CDKAL1: variants seen among roughly 807,000 people sequenced by gnomAD.
CDKAL1 encodes the protein CDKAL1 threonylcarbamoyladenosine tRNA methylthiotransferase, also known as threonylcarbamoyladenosine tRNA methylthiotransferase.
CDKAL1 carries 32 observed loss-of-function variants against 68.2 expected under a neutral mutation model. That is an observed-to-expected ratio of 0.47 (90% CI 0.35 to 0.63). The LOEUF (loss-of-function observed/expected upper bound fraction) is 0.63. Among genes scored for constraint, CDKAL1 ranks in the 30% least tolerant of loss-of-function variants. The pLI is 0.00. For missense variants in CDKAL1, 606 were observed against 696.7 expected, an observed-to-expected ratio of 0.87 and a Z score of 1.47; for synonymous variants, 234 against 244.3, an observed-to-expected ratio of 0.96 and a Z score of 0.39.
At chr6:20,969,050 A>G (rs1191174939) in intron 10 of CDKAL1, among the ~76,000 whole-genome samples, 1 of 152,150 alleles carries the variant, frequency 6.6e-6, no homozygotes, top group African/African-American at 2.4e-5. Flanking sequence ...CAGCTCTGGA[A>G]ATCGGATTCT....
In CDKAL1 at chr6:20,887,307, C is replaced by A. The variant is rs981077402; in HGVS notation, c.742+41129C>A. Among the ~76,000 whole-genome samples the A allele has an allele frequency of 2.6e-5, 4 of 152,124 alleles. No homozygotes were observed. In the South Asian group the frequency reaches 8.3e-4, roughly 32 times the overall value. ...AACATGCACTTATCCTGTAATCCAG[C>A]AATTCTACTCATTTACTAAGAGAAA... On this transcript the variant is annotated intron_variant, in intron 9 of 15. Transcript: ENST00000274695.
chr6:20,991,983 T>G (rs1322177431), intron 10 of CDKAL1, among the ~76,000 whole-genome samples: 1 of 150,410 alleles, frequency 6.6e-6, no homozygotes, highest in Non-Finnish European at 1.5e-5. Flanking sequence ...TAAGAGATTC[T>G]TAATTTAAGG....
At chr6:20,570,196 T>A (rs927707735) in intron 4 of CDKAL1, among the ~76,000 whole-genome samples, 1 of 152,040 alleles carries the variant, frequency 6.6e-6, no homozygotes, top group African/African-American at 2.4e-5. Flanking sequence ...CTCTGCCTCT[T>A]GGGTTCAAGC....
At chr6:20,971,053 T>C (rs1319375328) in intron 10 of CDKAL1, among the ~76,000 whole-genome samples, 1 of 152,208 alleles carries the variant, frequency 6.6e-6, no homozygotes, top group Non-Finnish European at 1.5e-5. Context: ...TTCACTTTGT[T>C]GGCCAGGCTG....
intron 5 of CDKAL1, among the ~76,000 whole-genome samples, chr6:20,694,127 TGTTA>T (rs1771006060): frequency 6.6e-6 from 1 of 151,970 alleles, no homozygotes; most frequent in Non-Finnish European, 1.5e-5. Context: ...GTTCTCAGTT[TGTTA>T]CTTAACCTCC....
intron 15 of CDKAL1, among the ~76,000 whole-genome samples, chr6:21,226,979 T>C (rs768923853): frequency 1.3e-5 from 2 of 152,238 alleles, no homozygotes; most frequent in Non-Finnish European, 2.9e-5. Context: ...AGTGCTGGGA[T>C]TGTAGGCGTG....
At chr6:20,707,168 A>G (rs1044872657) in intron 5 of CDKAL1, among the ~76,000 whole-genome samples, 1 of 152,240 alleles carries the variant, frequency 6.6e-6, no homozygotes, top group Admixed American at 6.5e-5. Context: ...TCTGTGCAGC[A>G]TGATTTAATT....
chr6:20,747,555 A>G (rs1773715332), intron 6 of CDKAL1, among the ~76,000 whole-genome samples: 1 of 151,870 alleles, frequency 6.6e-6, no homozygotes. Flanking sequence ...GGTGGTTTTG[A>G]TTTGTCTTTC....
intron 8 of CDKAL1, among the ~76,000 whole-genome samples, chr6:20,788,651 T>TTTTCTTTC (rs1775772189): frequency 6.6e-6 from 1 of 152,214 alleles, no homozygotes; most frequent in African/African-American, 2.4e-5. Flanking sequence ...ACTGAATGTA[T>TTTTCTTTC]AGCTTAGCAC....
At position 20,651,103 on chromosome 6, in the gene CDKAL1, A is replaced by C. The variant is rs149950591; in HGVS notation, c.371+1726A>C. On this transcript the variant is annotated intron_variant, in intron 5 of 15. Transcript: ENST00000274695. ...TAATTCTATGAAGAATGTCAATGGT[A>C]GTTTAATGGGAATAGTATTGAATCT... is the stretch of plus-strand genomic sequence containing the variant. Among the ~76,000 whole-genome samples, 794 of 152,190 alleles carry C rather than the reference A, an allele frequency of 5.2e-3. 12 individuals carry two copies. The highest frequency in any genetic ancestry group is 0.018 in the African/African-American group (749 of 41,512).
intron 5 of CDKAL1, among the ~76,000 whole-genome samples, chr6:20,684,467 G>A (rs1214055734): frequency 6.6e-6 from 1 of 152,122 alleles, no homozygotes; most frequent in Non-Finnish European, 1.5e-5. Flanking sequence ...GAATAAAGCT[G>A]CTATAAACAT....
At chr6:21,221,224 A>G (rs774578375) in intron 15 of CDKAL1, among the ~76,000 whole-genome samples, 4 of 152,058 alleles carry the variant, frequency 2.6e-5, no homozygotes, top group Non-Finnish European at 4.4e-5. Flanking sequence ...TGTATTCAAT[A>G]CCAGAATTTT....
chr6:20,595,239 C>A (rs937404551), intron 4 of CDKAL1, among the ~76,000 whole-genome samples: 1 of 152,154 alleles, frequency 6.6e-6, no homozygotes, highest in African/African-American at 2.4e-5. Context: ...TGGGGAAGTT[C>A]TCCTGGATAG....
intron 11 of CDKAL1, among the ~76,000 whole-genome samples, chr6:21,014,293 C>T (rs192702707): frequency 6.6e-6 from 1 of 152,262 alleles, no homozygotes. Flanking sequence ...AAAATCTCCA[C>T]CACAATAGGT....
At chr6:20,593,587 G>T (rs59633721) in intron 4 of CDKAL1, among the ~76,000 whole-genome samples, 2 of 145,944 alleles carry the variant, frequency 1.4e-5, no homozygotes, top group Non-Finnish European at 1.5e-5. Context: ...TTGGCTGGTG[G>T]TCTATTTCAT....
chr6:21,007,996 G>A (rs1582016107), intron 11 of CDKAL1, among the ~76,000 whole-genome samples: 1 of 152,214 alleles, frequency 6.6e-6, no homozygotes, highest in East Asian at 1.9e-4. Flanking sequence ...GAGAAGATGA[G>A]GAAGGCATGC....
At chr6:20,876,693 A>C (rs962630341) in intron 9 of CDKAL1, among the ~76,000 whole-genome samples, 1 of 152,212 alleles carries the variant, frequency 6.6e-6, no homozygotes, top group Non-Finnish European at 1.5e-5. Context: ...AGCCACTTGT[A>C]ACAGGCAGGC....
At chr6:20,573,331 AGTTTTC>A (rs1160849857) in intron 4 of CDKAL1, among the ~76,000 whole-genome samples, 69 of 152,158 alleles carry the variant, frequency 4.5e-4, no homozygotes, top group Non-Finnish European at 2.9e-5. Flanking sequence ...TGCAAATGAC[AGTTTTC>A]ATAACACTTT....
chr6:20,603,362 A>G (rs1389304691), intron 4 of CDKAL1, among the ~76,000 whole-genome samples: 1 of 152,154 alleles, frequency 6.6e-6, no homozygotes, highest in Non-Finnish European at 1.5e-5. Flanking sequence ...GCTATCTGTT[A>G]TTAAGTGAAA....
Sources: gnomAD v4.1 joint callset for allele counts (sites outside exome capture counted in the v4.1 genomes callset) on GRCh38, gnomAD v4.1.1 for gene constraint, MANE v1.5 for transcripts, NCBI Gene and HGNC (gene_info 2026-07-23, HGNC 2026-07-21) for gene names.